Variants in PLXDC2 observed in about 807,000 individuals in gnomAD.
The protein encoded by PLXDC2 is plexin domain-containing protein 2.
In PLXDC2, 40 loss-of-function variants were observed where a neutral mutation model predicts 68.9. The observed-to-expected ratio is 0.58, with a 90% CI of 0.45 to 0.76. PLXDC2 has a LOEUF of 0.76. Ranked by LOEUF, PLXDC2 falls within the 30% of genes least tolerant of loss-of-function variation. The pLI, the probability that PLXDC2 is intolerant of heterozygous loss-of-function variation, is 0.00. For synonymous variants in PLXDC2, 243 were observed against 234.2 expected, an observed-to-expected ratio of 1.04 and a Z score of -0.34; for missense variants, 644 against 661.9, an observed-to-expected ratio of 0.97 and a Z score of 0.30.
At chr10:19,938,883 G>C (rs545812904) in intron 1 of PLXDC2, among the ~76,000 whole-genome samples, 1 of 152,284 alleles carries the variant, frequency 6.6e-6, no homozygotes, top group African/African-American at 2.4e-5. Context: ...CAAACAATCT[G>C]TAAGTAGTCT....
intron 1 of PLXDC2, among the ~76,000 whole-genome samples, chr10:19,904,447 C>T (rs1412701165): frequency 6.6e-6 from 1 of 152,048 alleles, no homozygotes; most frequent in African/African-American, 2.4e-5. Context: ...GCCCACAGTC[C>T]CAAAAGCTGG....
chr10:20,197,795 A>G (rs768192930), intron 9 of PLXDC2, among the ~76,000 whole-genome samples: 1 of 152,018 alleles, frequency 6.6e-6, no homozygotes, highest in Non-Finnish European at 1.5e-5. Flanking sequence ...AGTAGCTGGG[A>G]TTCTATGGTG....
chr10:19,832,071 C>T (rs951558197), intron 1 of PLXDC2, among the ~76,000 whole-genome samples: 2 of 152,080 alleles, frequency 1.3e-5, no homozygotes, highest in African/African-American at 4.8e-5. Flanking sequence ...TTCGTTTATT[C>T]ATTTATTATT....
chr10:20,167,367 G>T (rs896920489), intron 7 of PLXDC2, among the ~76,000 whole-genome samples: 2 of 152,098 alleles, frequency 1.3e-5, no homozygotes, highest in African/African-American at 4.8e-5. Flanking sequence ...CCCAAGATTA[G>T]CACAATGCAA....
At chr10:20,144,429 A>G (rs1017386959) in intron 5 of PLXDC2, among the ~76,000 whole-genome samples, 8 of 152,178 alleles carry the variant, frequency 5.3e-5, no homozygotes, top group Non-Finnish European at 1.2e-4. Flanking sequence ...AAATAGCACA[A>G]TGAGGAAACT....
intron 12 of PLXDC2, among the ~76,000 whole-genome samples, chr10:20,225,131 C>A (rs775699599): frequency 6.6e-6 from 1 of 152,110 alleles, no homozygotes; most frequent in African/African-American, 2.4e-5. Context: ...GGTCTAAATT[C>A]TATTTCTGTT....
intron 4 of PLXDC2, among the ~76,000 whole-genome samples, chr10:20,069,598 C>T (rs770397133): frequency 3.3e-5 from 5 of 150,258 alleles, no homozygotes; most frequent in Admixed American, 6.6e-5. Context: ...GAGGCTGCAC[C>T]GAGCTATGGT....
At chr10:19,817,231 G>A in intron 1 of PLXDC2, 40 bp downstream of exon 1, 3 of 1,482,094 alleles carry the variant, frequency 2.0e-6, no homozygotes, top group South Asian at 1.2e-5. Context: ...TTTGTGCGCA[G>A]CTGAAGACCT....
At position 19,826,197 on chromosome 10, in the gene PLXDC2, G is replaced by A. The variant is rs76527947; in HGVS notation, c.112+9006G>A. On this transcript the variant is annotated intron_variant, in intron 1 of 13. Transcript: ENST00000377252. Reference sequence around the variant, plus strand: ...AACCTCCTAATTATTTTGCCAGTCCGTAGTTTTATGTTTAAGATTGCCCAA... The same window carrying A: ...AACCTCCTAATTATTTTGCCAGTCCATAGTTTTATGTTTAAGATTGCCCAA... 4.0e-3 allele frequency among the ~76,000 whole-genome samples: 610 copies of A among 152,196 alleles called. 1 individual carries two copies. Among genetic ancestry groups the A allele is most frequent in the South Asian group, 6.4e-3 (31 of 4,822 alleles).
At chr10:19,990,269 T>C (rs1426619620) in intron 1 of PLXDC2, among the ~76,000 whole-genome samples, 1 of 152,202 alleles carries the variant, frequency 6.6e-6, no homozygotes, top group African/African-American at 2.4e-5. Flanking sequence ...AGCAAAATCC[T>C]GGCAAGAATT....
intron 2 of PLXDC2, among the ~76,000 whole-genome samples, chr10:20,022,832 T>A (rs1835335336): frequency 6.6e-6 from 1 of 152,024 alleles, no homozygotes; most frequent in Admixed American, 6.6e-5. Flanking sequence ...AAGGTGAAAA[T>A]CTTGCAACTT....
chr10:19,982,199 A>G (rs1419885287), intron 1 of PLXDC2, among the ~76,000 whole-genome samples: 1 of 152,274 alleles, frequency 6.6e-6, no homozygotes, highest in African/African-American at 2.4e-5. Flanking sequence ...TGAAGGAGTC[A>G]TTTGAAATAA....
rs981770487 is a variant in PLXDC2, at chr10:20,283,234, A to G, written c.*3415A>G. The stretch of plus-strand genomic sequence containing the variant: ...AAAAATACAAGCTGACACAGCTTTA[A>G]ATCCCCACTGTGTTATCTTGGGAAA... On this transcript the variant is annotated 3_prime_UTR_variant, in exon 14 of 14. Transcript: ENST00000377252. 4 of 152,210 alleles carry G rather than the reference A, an allele frequency of 2.6e-5. No homozygotes were observed. Among genetic ancestry groups the G allele is most frequent in the Non-Finnish European group, 5.9e-5 (4 of 68,038 alleles). The allele number at this position is 152,210 out of a possible 1,614,324, so 9.4% of individuals were successfully genotyped here. A position where few individuals can be genotyped will look rare whatever the true frequency, so the allele number is the denominator to read the frequency against.
intron 1 of PLXDC2, among the ~76,000 whole-genome samples, chr10:19,879,003 A>T (rs540201287): frequency 2.4e-4 from 37 of 152,280 alleles, no homozygotes; most frequent in Admixed American, 1.2e-3. Context: ...AAGCTTCCTT[A>T]GTTTGTATTG....
At chr10:20,058,411 A>G (rs143870075) in intron 3 of PLXDC2, among the ~76,000 whole-genome samples, 57 of 152,050 alleles carry the variant, frequency 3.7e-4, no homozygotes, top group African/African-American at 1.3e-3. Flanking sequence ...TATATTATTT[A>G]CTCTTTCTTA....
rs1183633968 is a variant in PLXDC2, at chr10:19,988,885, TC to T, written c.113-12885del. 8.5e-5 allele frequency among the ~76,000 whole-genome samples: 11 copies of T among 129,638 alleles called. No homozygotes were observed. In the Admixed American group the frequency reaches 1.0e-3, roughly 12 times the overall value. 85.0% of individuals were successfully genotyped at this position (129,638 alleles called of 152,430 possible). ...ATCTCTGCTCACTGCAACCTCCGCC[TC>T]CCCCGTTCAGGAGATTCTCTTGCCT... On this transcript the variant is annotated intron_variant, in intron 1 of 13. Coordinates refer to ENST00000377252, the MANE Select transcript of PLXDC2 (RefSeq NM_032812.9).
At chr10:20,147,959 C>A in intron 6 of PLXDC2, 57 bp downstream of exon 6, 1 of 1,206,600 alleles carries the variant, frequency 8.3e-7, no homozygotes, top group South Asian at 1.3e-5. Flanking sequence ...TGCTGCCTTT[C>A]CTCCAAATGT....
At chr10:19,868,600 T>C (rs1837466184) in intron 1 of PLXDC2, among the ~76,000 whole-genome samples, 1 of 152,196 alleles carries the variant, frequency 6.6e-6, no homozygotes, top group African/African-American at 2.4e-5. Context: ...ATATGACCCT[T>C]ATTTTTAAAT....
chr10:20,142,349 A>G (rs1463262549), intron 4 of PLXDC2, among the ~76,000 whole-genome samples: 1 of 152,094 alleles, frequency 6.6e-6, no homozygotes, highest in Non-Finnish European at 1.5e-5. Context: ...GTGTGTGTGC[A>G]TTTGCATGTG....
Sources: gnomAD v4.1 joint callset for allele counts (sites outside exome capture counted in the v4.1 genomes callset) on GRCh38, gnomAD v4.1.1 for gene constraint, MANE v1.5 for transcripts, NCBI Gene and HGNC (gene_info 2026-07-23, HGNC 2026-07-21) for gene names.